The following GTF3A variants were observed in gnomAD, a reference collection of about 807,000 sequenced individuals.
GTF3A encodes the protein general transcription factor IIIA, also known as transcription factor IIIA.
A neutral mutation model predicts 37.6 loss-of-function variants in GTF3A; 40 were observed. The ratio of observed to expected loss-of-function variants is 1.06; its 90% confidence interval spans 0.83 to 1.38. GTF3A has a LOEUF of 1.38. GTF3A is among the 40% of genes most tolerant of loss of function. The pLI, the probability that GTF3A is intolerant of heterozygous loss-of-function variation, is 0.00. For synonymous variants in GTF3A, 191 were observed against 166.7 expected, an observed-to-expected ratio of 1.15 and a Z score of -1.12; for missense variants, 500 against 462.6, an observed-to-expected ratio of 1.08 and a Z score of -0.74.
At chr13:27,434,376 C>G (rs1454365195) in intron 6 of GTF3A, among the ~76,000 whole-genome samples, 157 bp downstream of exon 6, 4 of 152,202 alleles carry the variant, frequency 2.6e-5, no homozygotes, top group Non-Finnish European at 4.4e-5. Context: ...GAAAGGTGAG[C>G]AGAGCTGTGC....
At chr13:27,435,072 A>G in intron 7 of GTF3A, 38 bp downstream of exon 7, 21 of 1,548,354 alleles carry the variant, frequency 1.4e-5, no homozygotes, top group Non-Finnish European at 1.9e-5. Context: ...CCTATAGTCT[A>G]TGCTTTCACA....
intron 5 of GTF3A, 146 bp downstream of exon 5, chr13:27,432,950 A>G (rs1953670702): frequency 4.5e-6 from 3 of 663,140 alleles, no homozygotes; most frequent in African/African-American, 3.6e-5. Flanking sequence ...CTCTTGTCCA[A>G]AGAGGCACTG....
At position 27,435,102 on chromosome 13, in the gene GTF3A, A is replaced by G; in HGVS notation, c.874-31A>G. The G allele has an allele frequency of 3.2e-6, 5 of 1,562,058 alleles. No individual in the cohort carries two copies. The East Asian group carries it at 1.1e-4, about 35-fold the overall frequency. On this transcript the variant is annotated intron_variant, in intron 7 of 8. Coordinates refer to ENST00000381140, the MANE Select transcript of GTF3A (RefSeq NM_002097.3). ...TTCACAACATGGTTTTCATATTAAT[A>G]TTTCATTAATAACTTTCTCTTTCAT...
chr13:27,433,235 A>G (rs1373183309), intron 5 of GTF3A, among the ~76,000 whole-genome samples: 1 of 148,394 alleles, frequency 6.7e-6, no homozygotes, highest in Non-Finnish European at 1.5e-5. Context: ...AGACTTGATT[A>G]TATTAACTAT....
chr13:27,428,016 G>A (rs1953621590), intron 2 of GTF3A, among the ~76,000 whole-genome samples: 1 of 152,200 alleles, frequency 6.6e-6, no homozygotes, highest in Non-Finnish European at 1.5e-5. Flanking sequence ...GCTCATGCCT[G>A]TAATCCCAGC....
intron 1 of GTF3A, chr13:27,425,848 TA>T (rs1953601603): frequency 6.6e-6 from 1 of 152,382 alleles, no homozygotes; most frequent in African/African-American, 2.4e-5. Context: ...GCACCTCCTC[TA>T]ATTTATGGGC....
chr13:27,430,471 T>C, intron 3 of GTF3A, 62 bp from the exon 4 acceptor site: 1 of 1,016,542 alleles, frequency 9.8e-7, no homozygotes, highest in Non-Finnish European at 1.5e-6. Flanking sequence ...GAGGATTCTG[T>C]TACGAACTGT....
chr13:27,435,341 C>T (rs1274183005), intron 8 of GTF3A, 92 bp from the exon 9 acceptor site: 1 of 1,354,200 alleles, frequency 7.4e-7, no homozygotes, highest in Non-Finnish European at 1.0e-6. Context: ...CAATGTTGTA[C>T]ACTATATCTG....
rs1440275316 is a variant in GTF3A, at chr13:27,424,849, A to G, written c.112A>G (p.Arg38Gly). 9 of 1,550,580 alleles carry G rather than the reference A, an allele frequency of 5.8e-6. No individual in the cohort carries two copies. Among genetic ancestry groups the G allele is most frequent in the South Asian group, 1.2e-5 (1 of 83,826 alleles). Residue 38 changes from arginine (R) to glycine (G), a missense_variant, in exon 1 of 9, where the codon AGG (arginine) becomes GGG (glycine). Transcript: ENST00000381140. ...GACCCCGCCGCGCCCCGCGCTTCCCAGGAGGTTCATCTGCTCCTTCCCTGA... is the reference window on the plus strand; with the variant it reads ...GACCCCGCCGCGCCCCGCGCTTCCCGGGAGGTTCATCTGCTCCTTCCCTGA...
rs750456254 is a variant in GTF3A at position 27,435,115 on chromosome 13, CTT to C, written c.874-16_874-15del. 98 of 1,597,980 alleles carry C rather than the reference CTT, an allele frequency of 6.1e-5. No individual in the cohort carries two copies. Among genetic ancestry groups the C allele is most frequent in the Middle Eastern group, 3.3e-4 (2 of 6,012 alleles). ...TTTCATATTAATATTTCATTAATAACTTTCTCTTTCATTGTAGCAAAGTCTCA... is the reference window on the plus strand; with the variant it reads ...TTTCATATTAATATTTCATTAATAACTCTCTTTCATTGTAGCAAAGTCTCA... On this transcript the variant is annotated splice_polypyrimidine_tract_variant and intron_variant, in intron 7 of 8. Coordinates refer to ENST00000381140, the MANE Select transcript of GTF3A (RefSeq NM_002097.3).
In GTF3A at chr13:27,430,513, G is replaced by A. The variant is rs575527166; in HGVS notation, c.400-20G>A. On this transcript the variant is annotated intron_variant, in intron 3 of 8. Transcript: ENST00000381140. ...TGTTTTGACTTTCCATAAGACTAACGAGCCTTTACAATTTAACAGTGCAGT... is the reference window on the plus strand; with the variant it reads ...TGTTTTGACTTTCCATAAGACTAACAAGCCTTTACAATTTAACAGTGCAGT... 2.0e-6 allele frequency: 3 copies of A among 1,471,516 alleles called. No individual in the cohort carries two copies. Among genetic ancestry groups the A allele is most frequent in the Admixed American group, 1.7e-5 (1 of 58,318 alleles). The allele number at this position is 1,471,516 out of a possible 1,614,324, so 91.2% of individuals were successfully genotyped here.
chr13:27,434,837 T>C lies in GTF3A; in HGVS notation c.676T>C (p.Phe226Leu). The change falls in exon 7 of 9, where the codon TTT becomes CTT. Residue 226 changes from phenylalanine to leucine, a missense_variant. Coordinates refer to ENST00000381140, the MANE Select transcript of GTF3A (RefSeq NM_002097.3). ...ACTATGTGAAGTATGCCGGAAAACA[T>C]TTAAACGCAAAGATTACCTTAAGCA... The C allele has an allele frequency of 6.2e-7, 1 of 1,612,680 alleles. No homozygotes were observed. The highest frequency in any genetic ancestry group is 8.5e-7 in the Non-Finnish European group (1 of 1,178,946).
intron 6 of GTF3A, chr13:27,434,549 G>T: frequency 1.8e-6 from 1 of 558,400 alleles, no homozygotes. Flanking sequence ...TTCATTTTCT[G>T]TACCTCCCCA....
intron 2 of GTF3A, among the ~76,000 whole-genome samples, chr13:27,428,669 G>T (rs1191346184): frequency 6.6e-6 from 1 of 152,144 alleles, no homozygotes; most frequent in Non-Finnish European, 1.5e-5. Context: ...CCCATACCCG[G>T]TTGGGTTAGA....
In GTF3A at chr13:27,434,925, G is replaced by A; in HGVS notation, c.764G>A (p.Arg255Lys). ...CGCTGTCCAAGAGAAGGCTGTGGAA[G>A]AACCTATACAACTGTGTTTAATCTC... The change falls in exon 7 of 9, where the codon AGA becomes AAA. Residue 255 changes from arginine (R) to lysine (K), a missense_variant. By Grantham distance (26) the Arg-to-Lys change is conservative (BLOSUM62 2). Transcript: ENST00000381140. The A allele has an allele frequency of 6.2e-7, 1 of 1,609,388 alleles. No individual in the cohort carries two copies. The highest frequency in any genetic ancestry group is 1.3e-5 in the African/African-American group (1 of 74,960).
chr13:27,430,690 T>C, intron 4 of GTF3A, 69 bp downstream of exon 4: 1 of 938,720 alleles, frequency 1.1e-6, no homozygotes, highest in African/African-American at 1.6e-5. Flanking sequence ...GCAAGGGTGG[T>C]GTTGAGCATT....
At chr13:27,432,473 T>C (rs1033418474) in intron 4 of GTF3A, among the ~76,000 whole-genome samples, 94 of 152,196 alleles carry the variant, frequency 6.2e-4, no homozygotes, top group African/African-American at 2.1e-3. Flanking sequence ...GCAGAGTATA[T>C]TTCCAGAGGT....
intron 2 of GTF3A, 113 bp downstream of exon 2, chr13:27,427,305 C>A: frequency 1.5e-6 from 1 of 666,764 alleles, no homozygotes; most frequent in South Asian, 1.6e-5. Flanking sequence ...TGGCAGGGCT[C>A]GGTGGCTCAT....
chr13:27,434,331 T>C, intron 6 of GTF3A, 112 bp downstream of exon 6: 1 of 712,990 alleles, frequency 1.4e-6, no homozygotes, highest in African/African-American at 1.8e-5. Context: ...GGTTTCTCTA[T>C]GATATTTTGT....
Sources: gnomAD v4.1 joint callset for allele counts (sites outside exome capture counted in the v4.1 genomes callset) on GRCh38, gnomAD v4.1.1 for gene constraint, MANE v1.5 for transcripts, NCBI Gene and HGNC (gene_info 2026-07-23, HGNC 2026-07-21) for gene names.